Variants in CHRNA4 observed in about 807,000 individuals in gnomAD.
CHRNA4 encodes the protein cholinergic receptor nicotinic alpha 4 subunit, also known as neuronal acetylcholine receptor subunit alpha-4.
In CHRNA4, 28 loss-of-function variants were observed where a neutral mutation model predicts 48.9. The observed-to-expected ratio is 0.57, with a 90% CI of 0.42 to 0.79. The LOEUF is 0.79. Ranked by LOEUF, CHRNA4 falls within the 30% of genes least tolerant of loss-of-function variation. The pLI is 0.00. For missense variants in CHRNA4, 859 were observed against 898.4 expected (o/e 0.96, Z 0.56); for synonymous variants, 425 against 402.3 (o/e 1.06, Z -0.68).
intron 4 of CHRNA4, among the ~76,000 whole-genome samples, chr20:63,355,042 G>T (rs45470095): frequency 6.6e-6 from 1 of 152,152 alleles, no homozygotes; most frequent in Non-Finnish European, 1.5e-5. Flanking sequence ...GGTGCCCTGG[G>T]GCCTGGAAAG....
intron 4 of CHRNA4, among the ~76,000 whole-genome samples, chr20:63,351,912 G>A (rs1393485581): frequency 6.6e-6 from 1 of 152,214 alleles, no homozygotes; most frequent in East Asian, 1.9e-4. Context: ...ACGCACTGCA[G>A]GAGCACATTC....
At chr20:63,351,193 C>CCCACGT (rs2068601995) in intron 4 of CHRNA4, 166 bp from the exon 5 acceptor site, 5 of 446,234 alleles carry the variant, frequency 1.1e-5, no homozygotes, top group South Asian at 8.7e-5. Flanking sequence ...ATGTCCCACG[C>CCCACGT]CCACATCCAC....
At position 63,350,948 on chromosome 20, in the gene CHRNA4, C is replaced by T; in HGVS notation, c.463G>A (p.Ala155Thr). Reference protein sequence around the residue: ...HDGRVQWTPPAIYKSSCSIDV... With the variant: ...HDGRVQWTPPTIYKSSCSIDV... ...ATGCTGCAGGAGCTCTTGTAAATGG[C>T]CGGGGGAGTCCACTGCACCCGCCCG... The change falls in exon 5 of 6, where the codon GCC becomes ACC. Residue 155 changes from alanine (A) to threonine (T), a missense_variant. This residue lies in a region of CHRNA4 where 342 missense variants were observed against 365.3 expected (regional missense o/e 0.94). Coordinates refer to ENST00000370263, the MANE Select transcript of CHRNA4 (RefSeq NM_000744.7). 8 of 1,613,852 alleles carry T rather than the reference C, an allele frequency of 5.0e-6. No homozygotes were observed. Among genetic ancestry groups the T allele is most frequent in the Non-Finnish European group, 5.9e-6 (7 of 1,180,010 alleles).
intron 4 of CHRNA4, 168 bp downstream of exon 4, chr20:63,355,807 G>T: frequency 9.8e-7 from 1 of 1,021,046 alleles, no homozygotes; most frequent in Non-Finnish European, 1.4e-6. Flanking sequence ...TTTCTCCATT[G>T]CTCCTGCTTC....
At chr20:63,347,206 C>T (rs2068509766) in intron 5 of CHRNA4, among the ~76,000 whole-genome samples, 1 of 152,202 alleles carries the variant, frequency 6.6e-6, no homozygotes, top group Non-Finnish European at 1.5e-5. Flanking sequence ...GGGAAGGGGG[C>T]ACGGGGGAGG....
At chr20:63,349,438 CA>C (rs1272621957) in intron 5 of CHRNA4, 2 of 628,804 alleles carry the variant, frequency 3.2e-6, no homozygotes, top group African/African-American at 3.7e-5. Context: ...CACCCTGTGC[CA>C]GCCACTCGGG....
Position 63,346,576 on chromosome 20 carries a change from C to G in CHRNA4, c.*162G>C, listed in dbSNP as rs2068498188. ...CTCGGTCTCCCCAGAGGCCGTGTCC[C>G]CGTCCAAGGCCGTCTTACAGCAGAC... On this transcript the variant is annotated 3_prime_UTR_variant, in exon 6 of 6. Coordinates refer to ENST00000370263, the MANE Select transcript of CHRNA4 (RefSeq NM_000744.7). 9.8e-7 allele frequency: 1 copy of G among 1,020,720 alleles called. No homozygotes were observed. The highest frequency in any genetic ancestry group is 1.5e-6 in the Non-Finnish European group (1 of 679,774). The allele number at this position is 1,020,720 out of a possible 1,614,324, so 63.2% of individuals were successfully genotyped here. A position where few individuals can be genotyped will look rare whatever the true frequency, so the allele number is the denominator to read the frequency against.
intron 5 of CHRNA4, among the ~76,000 whole-genome samples, chr20:63,347,849 C>T (rs1291470215): frequency 6.6e-6 from 1 of 152,176 alleles, no homozygotes; most frequent in African/African-American, 2.4e-5. Context: ...CCGCCTCCTG[C>T]TCTGATTGTT....
rs201144410 is a variant in CHRNA4 at position 63,343,909 on chromosome 20, G to A, written c.*2829C>T. 4.8e-5 allele frequency: 22 copies of A among 454,146 alleles called. No individual in the cohort carries two copies. The highest frequency in any genetic ancestry group is 1.6e-4 in the South Asian group (10 of 64,480). The allele number at this position is 454,146 out of a possible 1,614,324, so 28.1% of individuals were successfully genotyped here. A position where few individuals can be genotyped will look rare whatever the true frequency, so the allele number is the denominator to read the frequency against. On this transcript the variant is annotated 3_prime_UTR_variant, in exon 6 of 6. Transcript: ENST00000370263. ...GGTTCTAGGCAAGCTGTCCACCCCC[G>A]GGAACTAACTGGCCCTAGGAGGAGC... is the stretch of plus-strand genomic sequence containing the variant.
chr20:63,346,747 G>T lies in CHRNA4; in HGVS notation c.1875C>A (p.Gly625=), dbSNP rs1176528245. Reference sequence around the variant, plus strand: ...GGCTCCCGGTCCCTTCCTAGATCATGCCAGCCAGCCAGGGCGGCAGGAAGA... The same window carrying T: ...GGCTCCCGGTCCCTTCCTAGATCATTCCAGCCAGCCAGGGCGGCAGGAAGA... The part of the protein sequence containing the change: ...VGLFLPPWLA[G]MI The change falls in exon 6 of 6, where the codon GGC becomes GGA. Residue 625 remains glycine (G), a synonymous_variant. Transcript: ENST00000370263. 1.2e-6 allele frequency: 2 copies of T among 1,609,174 alleles called. No homozygotes were observed. Among genetic ancestry groups the T allele is most frequent in the African/African-American group, 2.7e-5 (2 of 74,914 alleles).
rs1448604562 is a variant in CHRNA4 at position 63,345,499 on chromosome 20, G to T, written c.*1239C>A. The T allele has an allele frequency of 2.5e-6, 1 of 396,296 alleles. No individual in the cohort carries two copies. Among genetic ancestry groups the T allele is most frequent in the Non-Finnish European group, 5.2e-6 (1 of 192,868 alleles). The allele number at this position is 396,296 out of a possible 1,614,324, so 24.5% of individuals were successfully genotyped here. A position where few individuals can be genotyped will look rare whatever the true frequency, so the allele number is the denominator to read the frequency against. On this transcript the variant is annotated 3_prime_UTR_variant, in exon 6 of 6. Transcript: ENST00000370263. This position sits in a 1 kb window ranked among gnomAD's most constrained non-coding sequence, Gnocchi z 5.4. ...CCATCTTTAGGGGGTGCACTGCCGGGCTCCAGGGTCATGCCTGGAAACATT... is the reference window on the plus strand; with the variant it reads ...CCATCTTTAGGGGGTGCACTGCCGGTCTCCAGGGTCATGCCTGGAAACATT...
At chr20:63,349,558 T>G (rs1209213789) in intron 5 of CHRNA4, 95 bp downstream of exon 5, 1 of 1,519,186 alleles carries the variant, frequency 6.6e-7, no homozygotes, top group Non-Finnish European at 9.0e-7. Context: ...GCCTGAGGCC[T>G]GGGCCCGGCT....
rs201287245 is a variant in CHRNA4 at position 63,350,120 on chromosome 20, G to A, written c.1291C>T (p.Pro431Ser). Reference protein sequence around the residue: ...SCKSPSDQLPPQQPLEAEKAS... With the variant: ...SCKSPSDQLPSQQPLEAEKAS... The stretch of plus-strand genomic sequence containing the variant: ...TTCTCAGCTTCCAGGGGCTGCTGAG[G>A]AGGGAGCTGGTCGGAGGGTGACTTG... The change falls in exon 5 of 6, where the codon CCT (proline) becomes TCT (serine). Residue 431 changes from proline to serine, a missense_variant. Physicochemically the swap from Pro to Ser is moderately conservative, Grantham distance 74. This residue lies in a region of CHRNA4 where 478 missense variants were observed against 455.4 expected (regional missense o/e 1.05). Coordinates refer to ENST00000370263, the MANE Select transcript of CHRNA4 (RefSeq NM_000744.7). 4.7e-5 allele frequency: 73 copies of A among 1,555,224 alleles called. No individual in the cohort carries two copies. Among genetic ancestry groups the A allele is most frequent in the South Asian group, 1.2e-5 (1 of 82,942 alleles).
rs1253260994 is a variant in CHRNA4 at position 63,361,312 on chromosome 20, T to TGCG, written c.-150_-148dup. The TGCG allele has an allele frequency of 5.7e-5, 67 of 1,182,904 alleles. No homozygotes were observed. Among genetic ancestry groups the TGCG allele is most frequent in the East Asian group, 8.6e-5 (2 of 23,138 alleles). 73.3% of individuals were successfully genotyped at this position (1,182,904 alleles called of 1,614,324 possible). A position where few individuals can be genotyped will look rare whatever the true frequency, so the allele number is the denominator to read the frequency against. The stretch of plus-strand genomic sequence containing the variant: ...GTTCGTCTTCTCCTGTGGGGCGCGG[T>TGCG]GCGGCGGCGGCGCGGCAGGGAGCGC... On this transcript the variant is annotated 5_prime_UTR_variant, in exon 1 of 6. Transcript: ENST00000370263.
chr20:63,355,874 G>T, intron 4 of CHRNA4, 101 bp downstream of exon 4: 1 of 1,510,012 alleles, frequency 6.6e-7, no homozygotes, highest in Non-Finnish European at 9.0e-7. Flanking sequence ...CGCTGGGCCA[G>T]GCTGGGCCTT....
chr20:63,347,499 C>T (rs2068515100), intron 5 of CHRNA4, among the ~76,000 whole-genome samples: 1 of 152,220 alleles, frequency 6.6e-6, no homozygotes, highest in African/African-American at 2.4e-5. Flanking sequence ...TCTAACCCCA[C>T]ACTCCTGGGG....
chr20:63,345,532 T>TC lies in CHRNA4; in HGVS notation c.*1205dup, dbSNP rs1601463492. 2 of 416,616 alleles carry TC rather than the reference T, an allele frequency of 4.8e-6. No individual in the cohort carries two copies. The highest frequency in any genetic ancestry group is 9.9e-6 in the Non-Finnish European group (2 of 202,012). The allele number at this position is 416,616 out of a possible 1,614,324, so 25.8% of individuals were successfully genotyped here. A position where few individuals can be genotyped will look rare whatever the true frequency, so the allele number is the denominator to read the frequency against. On this transcript the variant is annotated 3_prime_UTR_variant, in exon 6 of 6. Transcript: ENST00000370263. This position sits in a 1 kb window ranked among gnomAD's most constrained non-coding sequence, Gnocchi z 5.4. The stretch of plus-strand genomic sequence containing the variant: ...GTCATGCCTGGAAACATTTCAGGCC[T>TC]CCCTCACCTCTGGATACCGCCTGCA...
At chr20:63,348,703 G>T (rs987121760) in intron 5 of CHRNA4, among the ~76,000 whole-genome samples, 1 of 152,204 alleles carries the variant, frequency 6.6e-6, no homozygotes, top group African/African-American at 2.4e-5. Context: ...TGGACGTCAT[G>T]GGCTGCACAG....
In CHRNA4 at chr20:63,346,785, C is replaced by G. The variant is rs758101667; in HGVS notation, c.1837G>C (p.Gly613Arg). The change falls in exon 6 of 6, where the codon GGG becomes CGG. Residue 613 changes from glycine (G) to arginine (R), a missense_variant. Coordinates refer to ENST00000370263, the MANE Select transcript of CHRNA4 (RefSeq NM_000744.7). ...GGCGGCAGGAAGAGGCCCACCGTCC[C>G]CAGCAGGCAGACGATGATGAACATC... Reference protein sequence around the residue: ...LWMFIIVCLLGTVGLFLPPWL... With the variant: ...LWMFIIVCLLRTVGLFLPPWL... 1.2e-6 allele frequency: 2 copies of G among 1,612,448 alleles called. No homozygotes were observed.
Sources: gnomAD v4.1 joint callset for allele counts (sites outside exome capture counted in the v4.1 genomes callset) on GRCh38, gnomAD v4.1.1 for gene constraint, gnomAD v4.1.1 regional missense constraint, Gnocchi (gnomAD v3.1) non-coding constraint, MANE v1.5 for transcripts, NCBI Gene and HGNC (gene_info 2026-07-23, HGNC 2026-07-21) for gene names.